Variants in HOMER2 observed in about 807,000 individuals in gnomAD.
HOMER2 encodes homer scaffold protein 2, also known as homer protein homolog 2.
Under a neutral mutation model 47.0 loss-of-function variants are expected in HOMER2, and 27 were observed. The ratio of observed to expected loss-of-function variants is 0.57; its 90% CI spans 0.42 to 0.79. The LOEUF (loss-of-function observed/expected upper bound fraction) is 0.79. Among genes scored for constraint, HOMER2 ranks in the 30% least tolerant of loss-of-function variants. The pLI, the probability that HOMER2 is intolerant of heterozygous loss-of-function variation, is 0.00. For missense variants in HOMER2, 443 were observed against 435.0 expected, an observed-to-expected ratio of 1.02 and a Z score of -0.16; for synonymous variants, 161 against 163.8, an observed-to-expected ratio of 0.98 and a Z score of 0.13.
At chr15:82,953,990 T>C (rs922982419), upstream of HOMER2, among the ~76,000 whole-genome samples, 8 of 152,134 alleles carry the variant, frequency 5.3e-5, no homozygotes, top group African/African-American at 1.9e-4. Flanking sequence ...TGCAGGAGAA[T>C]CGCTTGAACC....
upstream of HOMER2, chr15:82,985,995 GCGA>G: frequency 1.2e-6 from 1 of 859,160 alleles, no homozygotes; most frequent in Non-Finnish European, 1.4e-6. Flanking sequence ...TTAATAGACG[GCGA>G]CGTTTTCGAC....
chr15:82,859,966 G>A (rs1386912484), intron 4 of HOMER2, among the ~76,000 whole-genome samples: 2 of 152,056 alleles, frequency 1.3e-5, no homozygotes, highest in Non-Finnish European at 2.9e-5. Context: ...ACAAAATGTC[G>A]GCCGGGCGCG....
At chr15:82,901,585 C>T (rs2053119640) in intron 1 of HOMER2, among the ~76,000 whole-genome samples, 1 of 152,158 alleles carries the variant, frequency 6.6e-6, no homozygotes, top group African/African-American at 2.4e-5. Flanking sequence ...TATTCAGGCA[C>T]CAGAGGTGCA....
intron 1 of HOMER2, among the ~76,000 whole-genome samples, chr15:82,948,767 G>C (rs994800596): frequency 6.6e-6 from 1 of 152,258 alleles, no homozygotes; most frequent in African/African-American, 2.4e-5. Context: ...TATGTTAGCA[G>C]AACACAGTGA....
At chr15:82,956,732 C>A (rs374122961), upstream of HOMER2, among the ~76,000 whole-genome samples, 2 of 152,096 alleles carry the variant, frequency 1.3e-5, no homozygotes, top group East Asian at 1.9e-4. Context: ...GTAAAATAAT[C>A]TGAATTACAG....
At position 82,904,388 on chromosome 15, in the gene HOMER2, G is replaced by A. The variant is rs143273334; in HGVS notation, c.6-11547C>T. ...TAGGTCTCAAGAGTTAAAAACTCCAGAGGGATCCAATCATAGGGGGGCCTG... is the reference window on the plus strand; with the variant it reads ...TAGGTCTCAAGAGTTAAAAACTCCAAAGGGATCCAATCATAGGGGGGCCTG... On this transcript the variant is annotated intron_variant, in intron 1 of 8. Transcript: ENST00000450735. Among the ~76,000 whole-genome samples, 470 of 152,300 alleles carry A rather than the reference G, an allele frequency of 3.1e-3. 1 individual carries two copies. Among genetic ancestry groups the A allele is most frequent in the African/African-American group, 0.011 (448 of 41,574 alleles).
intron 1 of HOMER2, among the ~76,000 whole-genome samples, chr15:82,967,814 T>C (rs2054688672): frequency 1.3e-5 from 2 of 150,948 alleles, no homozygotes; most frequent in Admixed American, 6.6e-5. Context: ...AAAGCGGAGG[T>C]TGCAGTGAGC....
At chr15:82,853,817 G>A (rs142808086) in intron 6 of HOMER2, among the ~76,000 whole-genome samples, 12 of 152,242 alleles carry the variant, frequency 7.9e-5, no homozygotes, top group South Asian at 2.1e-4. Flanking sequence ...AGTAGAGGGC[G>A]TACAACAGGT....
chr15:82,985,503 G>A (rs937103911), intron 1 of HOMER2: 3 of 152,188 alleles, frequency 2.0e-5, no homozygotes, highest in African/African-American at 4.8e-5. Context: ...ACAGGACTTG[G>A]CAAGTGATTG....
Position 82,852,195 on chromosome 15 carries a change from G to T in HOMER2, c.709C>A (p.Gln237Lys), listed in dbSNP as rs1366006442. 2.5e-6 allele frequency: 4 copies of T among 1,613,936 alleles called. No individual in the cohort carries two copies. Among genetic ancestry groups the T allele is most frequent in the Non-Finnish European group, 3.4e-6 (4 of 1,179,882 alleles). The change falls in exon 7 of 9, where the codon CAG becomes AAG. Residue 237 changes from glutamine to lysine, a missense_variant. By Grantham distance (53) the Gln-to-Lys change is moderately conservative. Coordinates refer to ENST00000450735, the MANE Select transcript of HOMER2 (RefSeq NM_004839.4). ...EINREKEKNT[Q>K]LKRRIEELEA... ...AGCTCCTCGATCCTCCTCTTCAGCT[G>T]CGTGTTCTTCTCCTTCTCTCTGTTG...
At chr15:82,875,533 G>A (rs2052321612) in intron 2 of HOMER2, 129 bp from the exon 3 acceptor site, 8 of 927,388 alleles carry the variant, frequency 8.6e-6, no homozygotes, top group Admixed American at 7.5e-5. Context: ...ATTTGGTCCC[G>A]CGTTCTCCTG....
intron 1 of HOMER2, among the ~76,000 whole-genome samples, chr15:82,966,184 A>G (rs1033011140): frequency 1.3e-5 from 2 of 152,174 alleles, no homozygotes; most frequent in Admixed American, 1.3e-4. Flanking sequence ...GCAAGGAGTA[A>G]GCATAAGCTG....
intron 1 of HOMER2, among the ~76,000 whole-genome samples, chr15:82,962,284 G>C (rs1372796643): frequency 2.7e-5 from 4 of 149,868 alleles, no homozygotes; most frequent in Non-Finnish European, 5.9e-5. Flanking sequence ...AGAATGGCTC[G>C]AACCTGGGAG....
intron 1 of HOMER2, among the ~76,000 whole-genome samples, chr15:82,937,786 G>A (rs2151210735): frequency 1.3e-5 from 2 of 152,278 alleles, no homozygotes; most frequent in South Asian, 4.1e-4. Context: ...AGCACTCCGA[G>A]TCCGATCAGG....
At chr15:82,837,619 T>C (rs1698677443) in exon 2 of HOMER2, 1 of 152,100 alleles carries the variant, frequency 6.6e-6, no homozygotes, top group Non-Finnish European at 1.5e-5. Flanking sequence ...ATTCATGAGG[T>C]CTTCAGAATG....
Position 82,922,716 on chromosome 15 carries a change from T to C in HOMER2, c.5+29815A>G, listed in dbSNP as rs1481191115. ...CCACAGGTGTCCGCCTGTCCAGCTA[T>C]TCATGAACAGGTTGTGAAGGCAGCC... is the stretch of plus-strand genomic sequence containing the variant. On this transcript the variant is annotated intron_variant, in intron 1 of 8. Transcript: ENST00000450735. Among the ~76,000 whole-genome samples, 4 of 152,142 alleles carry C rather than the reference T, an allele frequency of 2.6e-5. No homozygotes were observed. In the East Asian group the frequency reaches 7.7e-4, roughly 29 times the overall value.
At chr15:82,909,490 TACAGAACAGGTGACTAAGGATGACTAAGG>T (rs2053391468) in intron 1 of HOMER2, among the ~76,000 whole-genome samples, 1 of 151,984 alleles carries the variant, frequency 6.6e-6, no homozygotes. Flanking sequence ...GAGGGATGGT[TACAGAACAGGTGACTAAGGATGACTAAGG>T]ACAGAGCAGG....
At chr15:82,910,915 C>T (rs913053141) in intron 1 of HOMER2, among the ~76,000 whole-genome samples, 2 of 131,448 alleles carry the variant, frequency 1.5e-5, no homozygotes, top group Admixed American at 8.0e-5. Flanking sequence ...TTTTCCGTTT[C>T]TCTTCTTAAG....
intron 1 of HOMER2, among the ~76,000 whole-genome samples, chr15:82,948,562 C>A (rs2054433010): frequency 6.6e-6 from 1 of 151,886 alleles, no homozygotes; most frequent in Non-Finnish European, 1.5e-5. Context: ...GACTCTGTCT[C>A]AACAAAAGAA....
Sources: gnomAD v4.1 joint callset for allele counts (sites outside exome capture counted in the v4.1 genomes callset) on GRCh38, gnomAD v4.1.1 for gene constraint, MANE v1.5 for transcripts, NCBI Gene and HGNC (gene_info 2026-07-23, HGNC 2026-07-21) for gene names.